Variants in CREM observed in about 807,000 individuals in gnomAD.
CREM encodes cAMP responsive element modulator.
Under a neutral mutation model 37.3 loss-of-function variants are expected in CREM, and 13 were observed. That is an observed-to-expected ratio of 0.35 (90% confidence interval 0.23 to 0.55). CREM has a LOEUF of 0.55. Among genes scored for constraint, CREM ranks in the 20% least tolerant of loss-of-function variants. The pLI is 0.88. For synonymous variants in CREM, 124 were observed against 120.2 expected (o/e 1.03, Z -0.21); for missense variants, 296 against 362.3 (o/e 0.82, Z 1.49).
At chr10:35,169,804 G>C (rs1037753303) in intron 3 of CREM, among the ~76,000 whole-genome samples, 3 of 151,950 alleles carry the variant, frequency 2.0e-5, no homozygotes, top group African/African-American at 2.4e-5. Flanking sequence ...TAGCATGAAG[G>C]GCTGTTGAAT....
At position 35,137,682 on chromosome 10, in the gene CREM, G is replaced by C. The variant is rs1589272441; in HGVS notation, c.-54-100G>C. 6 of 463,644 alleles carry C rather than the reference G, an allele frequency of 1.3e-5. No homozygotes were observed. The East Asian group carries it at 2.6e-4, about 20-fold the overall frequency. 28.7% of individuals were successfully genotyped at this position (463,644 alleles called of 1,614,324 possible). A position where few individuals can be genotyped will look rare whatever the true frequency, so the allele number is the denominator to read the frequency against. ...TATAGAAATTAGAATATTCTTCCTG[G>C]CCTTGTTTTGAGAGGTTTTAATTTA... On this transcript the variant is annotated intron_variant, in intron 1 of 7. Coordinates refer to ENST00000685392, the MANE Select transcript of CREM (RefSeq NM_183011.2).
At chr10:35,161,925 A>G (rs2136416610) in intron 3 of CREM, among the ~76,000 whole-genome samples, 1 of 152,318 alleles carries the variant, frequency 6.6e-6, no homozygotes, top group South Asian at 2.1e-4. Flanking sequence ...ATTACTGGGT[A>G]TCTATCCAAA....
chr10:35,144,452 G>T (rs1452701200), intron 2 of CREM, among the ~76,000 whole-genome samples: 1 of 152,212 alleles, frequency 6.6e-6, no homozygotes, highest in Non-Finnish European at 1.5e-5. Flanking sequence ...GAGATGCTCA[G>T]TAGGAGGGAG....
intron 3 of CREM, among the ~76,000 whole-genome samples, chr10:35,151,626 G>C (rs760540942): frequency 5.3e-5 from 8 of 152,218 alleles, no homozygotes; most frequent in Non-Finnish European, 7.3e-5. Context: ...CACCTGCTTT[G>C]ATCTCCTGAA....
At chr10:35,154,940 ATAGC>A (rs544276723) in intron 3 of CREM, among the ~76,000 whole-genome samples, 119 of 152,266 alleles carry the variant, frequency 7.8e-4, no homozygotes, top group African/African-American at 2.5e-3. Flanking sequence ...TTTGTATATA[ATAGC>A]TAGTATATTT....
intron 6 of CREM, chr10:35,196,618 G>A (rs943927212): frequency 6.5e-6 from 1 of 152,948 alleles, no homozygotes; most frequent in African/African-American, 2.4e-5. Context: ...TGAAGTTCTA[G>A]AGATGCTATA....
At chr10:35,157,923 C>A (rs2093017631) in intron 3 of CREM, among the ~76,000 whole-genome samples, 1 of 151,972 alleles carries the variant, frequency 6.6e-6, no homozygotes, top group South Asian at 2.1e-4. Flanking sequence ...CTTATAAAAA[C>A]CAGTATTGTT....
In CREM at chr10:35,148,783, G is replaced by T. The variant is rs975123236; in HGVS notation, c.168+292G>T. The T allele has an allele frequency of 2.6e-5, 7 of 269,440 alleles. No homozygotes were observed. The Admixed American group carries it at 3.7e-4, about 14-fold the overall frequency. 16.7% of individuals were successfully genotyped at this position (269,440 alleles called of 1,614,324 possible). On this transcript the variant is annotated intron_variant, in intron 3 of 7. Coordinates refer to ENST00000685392, the MANE Select transcript of CREM (RefSeq NM_183011.2). ...TTGAGAGGGTTGCTAATTCGAAATT[G>T]ATACAGTTCTGATGTCCTTAGCTGT... is the stretch of plus-strand genomic sequence containing the variant.
intron 3 of CREM, chr10:35,167,850 GAA>G: frequency 3.3e-6 from 5 of 1,499,498 alleles, no homozygotes; most frequent in Non-Finnish European, 2.8e-6. Context: ...AAAGCCTTGT[GAA>G]AAGAGGGGTA....
At chr10:35,160,463 A>G (rs1669623006) in intron 3 of CREM, among the ~76,000 whole-genome samples, 1 of 152,104 alleles carries the variant, frequency 6.6e-6, no homozygotes, top group South Asian at 2.1e-4. Context: ...CAGTGGCACA[A>G]TCATAGTTCA....
intron 6 of CREM, among the ~76,000 whole-genome samples, chr10:35,203,878 G>A (rs902576125): frequency 6.6e-6 from 1 of 152,124 alleles, no homozygotes; most frequent in Non-Finnish European, 1.5e-5. Flanking sequence ...TGTGTGAGCA[G>A]TGTTTGGAAA....
chr10:35,152,433 A>T (rs1316239709), intron 3 of CREM: 1 of 152,142 alleles, frequency 6.6e-6, no homozygotes, highest in African/African-American at 2.4e-5. Flanking sequence ...CTGTTTTATA[A>T]CTTTGTAGTA....
intron 6 of CREM, among the ~76,000 whole-genome samples, chr10:35,194,097 CAAAAAAA>C (rs371978117): frequency 1.3e-3 from 32 of 25,050 alleles, no homozygotes; most frequent in East Asian, 4.4e-3. Context: ...GACTTCATCT[CAAAAAAA>C]AAAAAAAAAA....
chr10:35,200,917 G>C (rs899248156), intron 6 of CREM, among the ~76,000 whole-genome samples: 1 of 151,940 alleles, frequency 6.6e-6, no homozygotes, highest in African/African-American at 2.4e-5. Context: ...TTGAGAAATC[G>C]TTTCACTTTG....
intron 3 of CREM, among the ~76,000 whole-genome samples, chr10:35,158,816 TGTTTG>T (rs1177630924): frequency 0.028 from 2,401 of 84,738 alleles, 94 homozygotes; most frequent in Non-Finnish European, 0.04. Flanking sequence ...TTTGTTGTTT[TGTTTG>T]TTTTTTTTTT....
chr10:35,186,621 TATATA>T (rs573742363), intron 5 of CREM, among the ~76,000 whole-genome samples: 91 of 144,830 alleles, frequency 6.3e-4, no homozygotes, highest in African/African-American at 2.1e-3. Flanking sequence ...TATATATAAA[TATATA>T]ATATATGTAA....
chr10:35,193,724 GGAA>G (rs2095020365), intron 6 of CREM, among the ~76,000 whole-genome samples: 1 of 152,134 alleles, frequency 6.6e-6, no homozygotes, highest in South Asian at 2.1e-4. Flanking sequence ...TACCTTTACT[GGAA>G]GATGATTAAA....
At chr10:35,190,387 G>C (rs184446548) in intron 6 of CREM, among the ~76,000 whole-genome samples, 218 of 152,256 alleles carry the variant, frequency 1.4e-3, no homozygotes, top group Middle Eastern at 3.4e-3. Flanking sequence ...CCAAGGGTTT[G>C]TTGTTTCCTC....
chr10:35,160,387 A>T (rs186911594), intron 3 of CREM, among the ~76,000 whole-genome samples: 151 of 152,042 alleles, frequency 9.9e-4, no homozygotes, highest in African/African-American at 3.5e-3. Flanking sequence ...CTAGGACATT[A>T]TTGTACACTA....
Sources: gnomAD v4.1 joint callset for allele counts (sites outside exome capture counted in the v4.1 genomes callset) on GRCh38, gnomAD v4.1.1 for gene constraint, MANE v1.5 for transcripts, NCBI Gene and HGNC (gene_info 2026-07-23, HGNC 2026-07-21) for gene names.